Variants in ATR observed in about 807,000 individuals in gnomAD.
The protein encoded by ATR is ATR checkpoint kinase, also known as serine/threonine-protein kinase ATR.
In ATR, 142 loss-of-function variants were observed where a neutral mutation model predicts 305.3. That is an observed-to-expected ratio of 0.47 (90% CI 0.41 to 0.53). ATR has a LOEUF of 0.53. ATR is among the 20% of genes least tolerant of loss of function. The pLI, the probability that ATR is intolerant of heterozygous loss-of-function variation, is 0.00. For synonymous variants in ATR, 1,050 were observed against 1,068.1 expected, an observed-to-expected ratio of 0.98 and a Z score of 0.33; for missense variants, 2,135 against 3,133.1, an observed-to-expected ratio of 0.68 and a Z score of 7.60.
chr3:142,466,861 G>A (rs372689732), intron 39 of ATR, among the ~76,000 whole-genome samples: 7 of 152,068 alleles, frequency 4.6e-5, no homozygotes, highest in African/African-American at 1.7e-4. Context: ...ACCCTCAGTG[G>A]AAATATCAAA....
chr3:142,490,696 G>A (rs900637558), intron 35 of ATR, among the ~76,000 whole-genome samples: 3 of 152,092 alleles, frequency 2.0e-5, no homozygotes, highest in African/African-American at 7.2e-5. Flanking sequence ...ATATGAGGCA[G>A]AGGTTGAAGA....
At chr3:142,542,208 G>A (rs954604791) in intron 17 of ATR, among the ~76,000 whole-genome samples, 1 of 152,112 alleles carries the variant, frequency 6.6e-6, no homozygotes, top group Admixed American at 6.6e-5. Context: ...ACTCAATGAT[G>A]CAACTTTTGT....
At chr3:142,486,108 G>A (rs1047633839) in intron 35 of ATR, among the ~76,000 whole-genome samples, 5 of 152,098 alleles carry the variant, frequency 3.3e-5, no homozygotes, top group African/African-American at 1.2e-4. Flanking sequence ...TTAAATATTT[G>A]TGTGGTTTAT....
chr3:142,479,322 G>T (rs546272946), intron 36 of ATR, among the ~76,000 whole-genome samples: 4 of 152,188 alleles, frequency 2.6e-5, no homozygotes, highest in Admixed American at 2.6e-4. Context: ...GTCTGTAAAG[G>T]ATTTTATTTC....
intron 35 of ATR, among the ~76,000 whole-genome samples, chr3:142,489,230 A>C (rs1377905490): frequency 6.6e-6 from 1 of 152,156 alleles, no homozygotes; most frequent in African/African-American, 2.4e-5. Context: ...GCTACTTGAG[A>C]GGCTGAGGTG....
intron 20 of ATR, among the ~76,000 whole-genome samples, 197 bp downstream of exon 20, chr3:142,535,911 A>G (rs1174331384): frequency 6.6e-6 from 1 of 152,182 alleles, no homozygotes; most frequent in East Asian, 1.9e-4. Flanking sequence ...GGTGTTACAT[A>G]TTTAATCTAA....
rs898416260 is a variant in ATR at position 142,454,466 on chromosome 3, G to A, written c.7656-1233C>T. ...TTTTTTTTTTTTTTTTTTTTGAGACGGAGTCTCGCTGTCGCCCAGGCTGGA... is the reference window on the plus strand; with the variant it reads ...TTTTTTTTTTTTTTTTTTTTGAGACAGAGTCTCGCTGTCGCCCAGGCTGGA... On this transcript the variant is annotated intron_variant, in intron 45 of 46. Transcript: ENST00000350721. Among the ~76,000 whole-genome samples, 4 of 124,488 alleles carry A rather than the reference G, an allele frequency of 3.2e-5. No homozygotes were observed. The East Asian group carries it at 6.8e-4, about 21-fold the overall frequency. The allele number at this position is 124,488 out of a possible 152,430, so 81.7% of individuals were successfully genotyped here. A position where few individuals can be genotyped will look rare whatever the true frequency, so the allele number is the denominator to read the frequency against.
At chr3:142,519,260 A>G (rs1226278503) in intron 24 of ATR, among the ~76,000 whole-genome samples, 1 of 152,144 alleles carries the variant, frequency 6.6e-6, no homozygotes, top group East Asian at 1.9e-4. Context: ...AGGAGATACT[A>G]AAACACTTTT....
chr3:142,495,727 G>A (rs1271102986), intron 34 of ATR, among the ~76,000 whole-genome samples: 1 of 152,032 alleles, frequency 6.6e-6, no homozygotes, highest in African/African-American at 2.4e-5. Context: ...CTGGGCAACA[G>A]AGTGAGACTC....
chr3:142,491,501 G>A (rs907440397), intron 35 of ATR, among the ~76,000 whole-genome samples: 51 of 152,182 alleles, frequency 3.4e-4, no homozygotes, highest in African/African-American at 1.2e-3. Flanking sequence ...CTGCTGTTAA[G>A]TACTGGTGAG....
chr3:142,559,400 G>T lies in ATR; in HGVS notation c.1583C>A (p.Pro528His), dbSNP rs2108480320. The T allele has an allele frequency of 6.2e-7, 1 of 1,613,882 alleles. No individual in the cohort carries two copies. The change falls in exon 7 of 47, where the codon CCT (proline) becomes CAT (histidine). Residue 528 changes from proline (P) to histidine (H), a missense_variant. Around this residue, in one of 9 missense-constraint regions of ATR, gnomAD observed 744 missense variants for 873.2 expected, o/e 0.85. Transcript: ENST00000350721. ...TGACATCCAAGTTATCACTACAGAA[G>T]GTTTCTTCTTGGATTTATGTTGACA... ...KDCQHKSKKK[P>H]SVVITWMSLD... is the part of the protein sequence containing the mutation.
At chr3:142,498,048 A>C (rs576290732) in intron 32 of ATR, among the ~76,000 whole-genome samples, 5 of 152,316 alleles carry the variant, frequency 3.3e-5, no homozygotes, top group African/African-American at 1.2e-4. Flanking sequence ...AAATATAATG[A>C]ATTCTTCTAA....
At chr3:142,538,377 T>G (rs1190417218) in intron 19 of ATR, 105 bp downstream of exon 19, 2 of 1,295,316 alleles carry the variant, frequency 1.5e-6, no homozygotes, top group African/African-American at 3.0e-5. Context: ...TGATAAACCC[T>G]GAAATTCAAA....
rs150562945 is a variant in ATR, at chr3:142,522,794, T to A, written c.4200A>T (p.Leu1400=). ...SSFAYGLLME[L]TRAYLAYADN... is the part of the protein sequence containing the mutation. ...CAGCATACGCAAGGTAAGCTCTTGT[T>A]AGCTCCATCAATAATCCATAGGCAA... Residue 1400 remains leucine (L), a synonymous_variant, in exon 23 of 47, where the codon CTA becomes CTT. Coordinates refer to ENST00000350721, the MANE Select transcript of ATR (RefSeq NM_001184.4). 1.8e-4 allele frequency: 286 copies of A among 1,613,880 alleles called. No homozygotes were observed. In the African/African-American group the frequency reaches 3.5e-3, roughly 20 times the overall value.
chr3:142,522,148 A>G (rs2033171803), intron 23 of ATR, among the ~76,000 whole-genome samples: 1 of 152,236 alleles, frequency 6.6e-6, no homozygotes, highest in Non-Finnish European at 1.5e-5. Flanking sequence ...CAAAACCATT[A>G]TGACTTGCGA....
rs1209382064 is a variant in ATR, at chr3:142,549,602, A to C, written c.3048T>G (p.Thr1016=). The change falls in exon 15 of 47, where the codon ACT becomes ACG. Residue 1016 remains threonine (T), a synonymous_variant. Transcript: ENST00000350721. ...ASPAASALIR[T]LGKQLNVNRR... is the part of the protein sequence containing the mutation. ...GATTGACATTTAATTGTTTTCCTAA[A>C]GTTCGAATGAGAGCAGAAGCTGCAG... The C allele has an allele frequency of 1.2e-6, 2 of 1,613,458 alleles. No homozygotes were observed. Among genetic ancestry groups the C allele is most frequent in the South Asian group, 2.2e-5 (2 of 90,880 alleles).
At chr3:142,573,039 G>C (rs1051982132) in intron 1 of ATR, among the ~76,000 whole-genome samples, 1 of 152,160 alleles carries the variant, frequency 6.6e-6, no homozygotes, top group Non-Finnish European at 1.5e-5. Context: ...GCTCTTATAG[G>C]AGAGAAAATG....
At chr3:142,502,386 T>TA (rs2032017733) in intron 30 of ATR, among the ~76,000 whole-genome samples, 1 of 104,730 alleles carries the variant, frequency 9.5e-6, no homozygotes, top group Non-Finnish European at 1.9e-5. Flanking sequence ...TATGCAGCTA[T>TA]AAAAAAGAAT....
At chr3:142,472,635 CTATTTT>C (rs921291397) in intron 36 of ATR, among the ~76,000 whole-genome samples, 2 of 151,388 alleles carry the variant, frequency 1.3e-5, no homozygotes, top group South Asian at 2.1e-4. Context: ...TTCCTTTTTT[CTATTTT>C]TATTTTTATT....
Sources: allele counts gnomAD v4.1 joint callset (sites outside exome capture counted in the v4.1 genomes callset), GRCh38; gene constraint gnomAD v4.1.1; regional missense constraint gnomAD v4.1.1; transcripts MANE v1.5; gene names NCBI Gene and HGNC (gene_info 2026-07-23, HGNC 2026-07-21).